The following PTPRD variants were observed in gnomAD, a reference collection of about 807,000 sequenced individuals.
The protein encoded by PTPRD is protein tyrosine phosphatase receptor type D, also known as receptor-type tyrosine-protein phosphatase delta.
A neutral mutation model predicts 214.5 loss-of-function variants in PTPRD; 34 were observed. That is an observed-to-expected ratio of 0.16 (90% confidence interval 0.12 to 0.21). The LOEUF is 0.21. Among genes scored for constraint, PTPRD ranks in the 10% least tolerant of loss-of-function variants. PTPRD has a pLI of 1.00. For synonymous variants in PTPRD, 1,128 were observed against 845.7 expected, an observed-to-expected ratio of 1.33 and a Z score of -5.79; for missense variants, 2,545 against 2,398.7, an observed-to-expected ratio of 1.06 and a Z score of -1.27.
At chr9:8,667,386 T>C (rs1025715751) in intron 12 of PTPRD, among the ~76,000 whole-genome samples, 2 of 152,130 alleles carry the variant, frequency 1.3e-5, no homozygotes, top group Non-Finnish European at 2.9e-5. Flanking sequence ...TTTTTTTCCA[T>C]CTTGTTTCTT....
chr9:10,503,208 C>CAAAAAAAAA (rs1182534691), intron 2 of PTPRD, among the ~76,000 whole-genome samples: 1 of 118,454 alleles, frequency 8.4e-6, no homozygotes, highest in Non-Finnish European at 1.7e-5. Flanking sequence ...AAAAAAAAAA[C>CAAAAAAAAA]AAAAAAAAAC....
chr9:8,506,629 G>C (rs977600038), intron 22 of PTPRD, among the ~76,000 whole-genome samples: 2 of 152,144 alleles, frequency 1.3e-5, no homozygotes, highest in Non-Finnish European at 2.9e-5. Context: ...AGAAAGGCTA[G>C]CTCCAGTGCT....
chr9:10,611,701 C>A (rs1374937278), intron 2 of PTPRD, among the ~76,000 whole-genome samples: 2 of 152,152 alleles, frequency 1.3e-5, no homozygotes, highest in Non-Finnish European at 2.9e-5. Flanking sequence ...GAGTTTATAA[C>A]CCGCTGTGTC....
chr9:10,124,286 A>G (rs2098798811), intron 3 of PTPRD, among the ~76,000 whole-genome samples: 1 of 152,252 alleles, frequency 6.6e-6, no homozygotes, highest in Admixed American at 6.5e-5. Flanking sequence ...ATATACATTT[A>G]GTGAATAAAA....
intron 3 of PTPRD, among the ~76,000 whole-genome samples, chr9:10,288,003 T>G (rs2095415380): frequency 6.6e-6 from 1 of 152,062 alleles, no homozygotes; most frequent in Non-Finnish European, 1.5e-5. Context: ...AGCCTCAAAT[T>G]CAATAATGAC....
chr9:8,732,927 G>T (rs762867218), intron 12 of PTPRD, among the ~76,000 whole-genome samples: 22 of 152,110 alleles, frequency 1.4e-4, no homozygotes, highest in Admixed American at 2.6e-4. Flanking sequence ...ACTCATACTA[G>T]GTGATTCCCA....
intron 8 of PTPRD, among the ~76,000 whole-genome samples, chr9:9,447,329 G>A (rs1181292749): frequency 6.6e-6 from 1 of 152,068 alleles, no homozygotes; most frequent in Non-Finnish European, 1.5e-5. Flanking sequence ...TGGAATATTA[G>A]ACAGCCATAA....
chr9:9,397,004 C>G, intron 9 of PTPRD, among the ~76,000 whole-genome samples: 1 of 151,942 alleles, frequency 6.6e-6, no homozygotes, highest in East Asian at 1.9e-4. Context: ...CAATATAAGG[C>G]AATTATGTAA....
At chr9:8,761,080 G>A (rs982870886) in intron 11 of PTPRD, among the ~76,000 whole-genome samples, 4 of 152,132 alleles carry the variant, frequency 2.6e-5, no homozygotes, top group African/African-American at 9.7e-5. Context: ...ATGACTGTGG[G>A]ATGAAGCTAC....
intron 11 of PTPRD, chr9:8,958,843 T>C (rs998979549): frequency 6.6e-6 from 1 of 151,980 alleles, no homozygotes; most frequent in African/African-American, 2.4e-5. Context: ...AGATATTGTC[T>C]GAGAGGTAAG....
chr9:8,516,798 C>CTTTTTTTTTTTTTTTTTTTTTTTTTTTT (rs71500960), intron 21 of PTPRD, among the ~76,000 whole-genome samples: 1 of 107,892 alleles, frequency 9.3e-6, no homozygotes, highest in Non-Finnish European at 1.8e-5. Context: ...CAAGAATAAA[C>CTTTTTTTTTTTTTTTTTTTTTTTTTTTT]TTTTTTTTTT....
chr9:9,108,843 T>A (rs78255895), intron 10 of PTPRD, among the ~76,000 whole-genome samples: 3,431 of 152,214 alleles, frequency 0.023, 67 homozygotes, highest in East Asian at 0.063. Flanking sequence ...CTCAGTCTGG[T>A]CGGGGGAGCA....
intron 2 of PTPRD, among the ~76,000 whole-genome samples, chr9:10,453,146 T>G (rs1269183596): frequency 2.6e-5 from 4 of 151,712 alleles, no homozygotes; most frequent in African/African-American, 9.7e-5. Flanking sequence ...TGATTTTATT[T>G]CTGTCTCCAT....
intron 9 of PTPRD, among the ~76,000 whole-genome samples, chr9:9,240,788 A>G (rs1400850436): frequency 6.6e-6 from 1 of 152,168 alleles, no homozygotes; most frequent in Non-Finnish European, 1.5e-5. Flanking sequence ...TTATTACATT[A>G]AAATATTTTA....
chr9:9,111,274 CT>C (rs1262633785), intron 10 of PTPRD, among the ~76,000 whole-genome samples: 1 of 132,922 alleles, frequency 7.5e-6, no homozygotes, highest in African/African-American at 2.9e-5. Context: ...TTTTTGATAG[CT>C]TCTCTCAGCT....
At chr9:8,815,108 G>T (rs1029306232) in intron 11 of PTPRD, among the ~76,000 whole-genome samples, 10 of 146,360 alleles carry the variant, frequency 6.8e-5, no homozygotes, top group Admixed American at 3.4e-4. Flanking sequence ...ATATAATTTA[G>T]TTTTTTTTTT....
chr9:9,110,528 G>A (rs1369062363), intron 10 of PTPRD, among the ~76,000 whole-genome samples: 1 of 151,926 alleles, frequency 6.6e-6, no homozygotes, highest in Admixed American at 6.6e-5. Flanking sequence ...CTCCACTCTT[G>A]CTAACCATAC....
intron 3 of PTPRD, among the ~76,000 whole-genome samples, chr9:10,106,677 G>T (rs1369855076): frequency 6.6e-6 from 1 of 151,714 alleles, no homozygotes; most frequent in African/African-American, 2.4e-5. Flanking sequence ...GAAATGTTGA[G>T]ATGTATTTAG....
intron 3 of PTPRD, among the ~76,000 whole-genome samples, chr9:10,227,927 C>CT (rs1463473869): frequency 1.8e-4 from 28 of 151,962 alleles, no homozygotes. Context: ...TTCATAATCT[C>CT]TAACTACTCA....
Sources: allele counts gnomAD v4.1 joint callset (sites outside exome capture counted in the v4.1 genomes callset), GRCh38; gene constraint gnomAD v4.1.1; transcripts MANE v1.5; gene names NCBI Gene and HGNC (gene_info 2026-07-23, HGNC 2026-07-21).